Variants in ZMYND11 observed in about 807,000 individuals in gnomAD.
ZMYND11 encodes zinc finger MYND domain-containing protein 11.
In ZMYND11, 9 loss-of-function variants were observed where a neutral mutation model predicts 84.9. The ratio of observed to expected loss-of-function variants is 0.11; its 90% CI spans 0.06 to 0.18. The LOEUF (loss-of-function observed/expected upper bound fraction) is 0.18, where lower values mean the gene tolerates loss of function less well. Ranked by LOEUF, ZMYND11 falls within the 10% of genes least tolerant of loss-of-function variation. ZMYND11 has a pLI of 1.00. For synonymous variants in ZMYND11, 250 were observed against 244.1 expected (o/e 1.02, Z -0.23); for missense variants, 409 against 761.0 (o/e 0.54, Z 5.44).
chr10:187,549 G>A (rs1478173888), intron 2 of ZMYND11, among the ~76,000 whole-genome samples: 1 of 152,110 alleles, frequency 6.6e-6, no homozygotes, highest in Non-Finnish European at 1.5e-5. Context: ...CAGGAGAATG[G>A]GGTGAACCCG....
intron 1 of ZMYND11, among the ~76,000 whole-genome samples, chr10:158,991 G>GGTTTTTTTTTTTTTTTT (rs1842354984): frequency 1.7e-5 from 1 of 58,576 alleles, no homozygotes; most frequent in Non-Finnish European, 3.3e-5. Context: ...TTTGTTTTTT[G>GGTTTTTTTTTTTTTTTT]TTTTTTTTTT....
intron 1 of ZMYND11, among the ~76,000 whole-genome samples, chr10:152,419 G>C (rs1277142311): frequency 2.6e-5 from 4 of 152,162 alleles, no homozygotes; most frequent in African/African-American, 9.7e-5. Flanking sequence ...TGCAATCCTA[G>C]TCTCTGATAA....
intron 8 of ZMYND11, among the ~76,000 whole-genome samples, chr10:240,677 A>T (rs566516048): frequency 3.7e-4 from 57 of 152,310 alleles, no homozygotes; most frequent in Middle Eastern, 3.4e-3. Flanking sequence ...TTCTGTTCCA[A>T]CTGTGGCCTG....
At chr10:245,478 A>G (rs1479251838) in intron 10 of ZMYND11, among the ~76,000 whole-genome samples, 4 of 152,218 alleles carry the variant, frequency 2.6e-5, no homozygotes, top group Non-Finnish European at 4.4e-5. Context: ...GTGATATCAT[A>G]TATACTTATA....
At chr10:245,166 T>A (rs542408684) in intron 10 of ZMYND11, among the ~76,000 whole-genome samples, 1 of 152,360 alleles carries the variant, frequency 6.6e-6, no homozygotes. Flanking sequence ...TACTTTGATA[T>A]GGTTTTTAAC....
At chr10:220,244 T>C (rs1483216742) in intron 3 of ZMYND11, among the ~76,000 whole-genome samples, 1 of 152,174 alleles carries the variant, frequency 6.6e-6, no homozygotes, top group Non-Finnish European at 1.5e-5. Context: ...CTACTGGAAG[T>C]GGCCCTGTTT....
chr10:135,180 C>A (rs1835621476), upstream of ZMYND11: 1 of 150,908 alleles, frequency 6.6e-6, no homozygotes, highest in African/African-American at 2.4e-5. This position sits in a 1 kb window ranked among gnomAD's most constrained non-coding sequence, Gnocchi z 5.6. Context: ...CCCCGCAGGC[C>A]CGCGGCGCCA....
At chr10:192,240 G>A (rs1940638396) in intron 2 of ZMYND11, among the ~76,000 whole-genome samples, 1 of 152,148 alleles carries the variant, frequency 6.6e-6, no homozygotes, top group South Asian at 2.1e-4. Flanking sequence ...CTTAGAGGGG[G>A]TGAAGTGTGC....
chr10:139,070 C>T (rs1485019095), intron 1 of ZMYND11, among the ~76,000 whole-genome samples: 2 of 151,960 alleles, frequency 1.3e-5, no homozygotes, highest in Admixed American at 6.6e-5. Context: ...CTTCCCAAAG[C>T]GCTGGGACTA....
At chr10:187,714 C>T (rs1310943993) in intron 2 of ZMYND11, among the ~76,000 whole-genome samples, 4 of 151,738 alleles carry the variant, frequency 2.6e-5, no homozygotes, top group Non-Finnish European at 5.9e-5. Flanking sequence ...TTAAAAGGGT[C>T]AGTCTGAAAT....
At chr10:144,099 A>G (rs571523895) in intron 1 of ZMYND11, among the ~76,000 whole-genome samples, 2 of 151,984 alleles carry the variant, frequency 1.3e-5, no homozygotes, top group Non-Finnish European at 2.9e-5. Flanking sequence ...AGTCTTAGTT[A>G]TTTTCAAATG....
At chr10:169,507 T>G (rs1393070237) in intron 1 of ZMYND11, among the ~76,000 whole-genome samples, 1 of 152,200 alleles carries the variant, frequency 6.6e-6, no homozygotes, top group Non-Finnish European at 1.5e-5. Flanking sequence ...CAGGGGTTAT[T>G]AAAAACTATG....
At chr10:204,440 T>C (rs1015640021) in intron 2 of ZMYND11, among the ~76,000 whole-genome samples, 13 of 152,326 alleles carry the variant, frequency 8.5e-5, no homozygotes, top group African/African-American at 3.1e-4. Context: ...GGTTTCTGTA[T>C]ATGAATGCTG....
Position 253,161 on chromosome 10 carries a change from C to G in ZMYND11, c.*691C>G, listed in dbSNP as rs1279502294. The G allele has an allele frequency of 6.6e-5, 10 of 152,572 alleles. No individual in the cohort carries two copies. Among genetic ancestry groups the G allele is most frequent in the Admixed American group, 6.5e-4 (10 of 15,272 alleles). 9.5% of individuals were successfully genotyped at this position (152,572 alleles called of 1,614,324 possible). A position where few individuals can be genotyped will look rare whatever the true frequency, so the allele number is the denominator to read the frequency against. Reference sequence around the variant, plus strand: ...GGGGTAATCTTTTACTGAGCTGGATCTTAGAGAAAATGAATATTTAAATTT... The same window carrying G: ...GGGGTAATCTTTTACTGAGCTGGATGTTAGAGAAAATGAATATTTAAATTT... On this transcript the variant is annotated 3_prime_UTR_variant, in exon 15 of 15. Transcript: ENST00000381604.
chr10:215,969 AAG>A (rs1307456554), intron 3 of ZMYND11, among the ~76,000 whole-genome samples: 1 of 152,198 alleles, frequency 6.6e-6, no homozygotes, highest in African/African-American at 2.4e-5. Flanking sequence ...TGGCTTCTTA[AAG>A]AGATTAACCT....
At chr10:190,979 C>T (rs927966702) in intron 2 of ZMYND11, among the ~76,000 whole-genome samples, 2 of 151,854 alleles carry the variant, frequency 1.3e-5, no homozygotes, top group Non-Finnish European at 2.9e-5. Flanking sequence ...ATGGTGAGCA[C>T]CTTGAGGGTA....
At chr10:216,852 C>A (rs1463165660) in intron 3 of ZMYND11, among the ~76,000 whole-genome samples, 1 of 151,836 alleles carries the variant, frequency 6.6e-6, no homozygotes, top group Non-Finnish European at 1.5e-5. Context: ...TTGCACTGAG[C>A]AATGTTGTAA....
At chr10:238,915 C>G (rs1950432639) in intron 6 of ZMYND11, among the ~76,000 whole-genome samples, 1 of 152,184 alleles carries the variant, frequency 6.6e-6, no homozygotes, top group African/African-American at 2.4e-5. Context: ...TAAGATTTGT[C>G]ACAGACAGGG....
rs1588921789 is a variant in ZMYND11 at position 203,774 on chromosome 10, T to G, written c.117-6115T>G. Among the ~76,000 whole-genome samples the G allele has an allele frequency of 2.0e-5, 3 of 152,300 alleles. No individual in the cohort carries two copies. The East Asian group carries it at 5.8e-4, about 29-fold the overall frequency. On this transcript the variant is annotated intron_variant, in intron 2 of 14. Transcript: ENST00000381604. ...GTGGAAAAAAGTCTTCTCCCATCCC[T>G]TGTTCCCTGAGCCCCTCTCTGCAGT... is the stretch of plus-strand genomic sequence containing the variant.
Sources: gnomAD v4.1 joint callset for allele counts (sites outside exome capture counted in the v4.1 genomes callset) on GRCh38, gnomAD v4.1.1 for gene constraint, Gnocchi (gnomAD v3.1) non-coding constraint, MANE v1.5 for transcripts, NCBI Gene and HGNC (gene_info 2026-07-23, HGNC 2026-07-21) for gene names.